Variants in PTPRE observed in about 807,000 individuals in gnomAD.
PTPRE encodes the protein protein tyrosine phosphatase receptor type E.
In PTPRE, 51 loss-of-function variants were observed where a neutral mutation model predicts 102.0. The observed-to-expected ratio is 0.50, with a 90% CI of 0.40 to 0.63. PTPRE has a LOEUF of 0.63. Ranked by LOEUF, PTPRE falls within the 30% of genes least tolerant of loss-of-function variation. PTPRE has a pLI of 0.00. For synonymous variants in PTPRE, 345 were observed against 348.2 expected, an observed-to-expected ratio of 0.99 and a Z score of 0.10; for missense variants, 752 against 915.1, an observed-to-expected ratio of 0.82 and a Z score of 2.30.
At chr10:127,966,176 T>G (rs7093465) in intron 1 of PTPRE, among the ~76,000 whole-genome samples, 73,644 of 151,628 alleles carry the variant, frequency 0.49, 18,444 homozygotes, top group African/African-American at 0.62. Context: ...AAAGAGGTCC[T>G]ATGCTGCATC....
chr10:128,062,999 G>A (rs1174812772), intron 9 of PTPRE, 84 bp from the exon 10 acceptor site: 5 of 1,580,268 alleles, frequency 3.2e-6, no homozygotes, highest in African/African-American at 2.7e-5. Flanking sequence ...CTGTCCAGGG[G>A]CCAACGGCCA....
chr10:128,069,980 G>A (rs995108627), intron 13 of PTPRE, 153 bp downstream of exon 13: 6 of 1,145,384 alleles, frequency 5.2e-6, no homozygotes, highest in African/African-American at 3.1e-5. Context: ...CCCTGCCCAC[G>A]CGTGGGACCT....
At chr10:127,981,588 C>T (rs940045601) in intron 1 of PTPRE, among the ~76,000 whole-genome samples, 23 of 152,040 alleles carry the variant, frequency 1.5e-4, no homozygotes, top group Non-Finnish European at 2.1e-4. Flanking sequence ...GAGCCCGAGG[C>T]GAGCAGATCA....
intron 1 of PTPRE, among the ~76,000 whole-genome samples, chr10:127,912,619 T>C (rs1029342699): frequency 1.3e-5 from 2 of 152,194 alleles, no homozygotes; most frequent in Admixed American, 6.5e-5. Flanking sequence ...GAGTAAAGAA[T>C]TGATAGGAAA....
intron 2 of PTPRE, among the ~76,000 whole-genome samples, chr10:128,031,568 C>A (rs1244620013): frequency 6.6e-6 from 1 of 152,228 alleles, no homozygotes; most frequent in African/African-American, 2.4e-5. Flanking sequence ...TTTCCCACGA[C>A]CCTGCCAGGT....
rs575417858 is a variant in PTPRE, at chr10:128,063,999, G to A, written c.723+819G>A. 3.3e-5 allele frequency among the ~76,000 whole-genome samples: 5 copies of A among 152,342 alleles called. 1 individual carries two copies. In the South Asian group the frequency reaches 1.0e-3, roughly 32 times the overall value. ...TTCTGGCATGAAGGCCCGGTTCAGT[G>A]GGAGCCGTGTGTCCTGCCCGGCCCT... On this transcript the variant is annotated intron_variant, in intron 10 of 20. Transcript: ENST00000254667.
intron 1 of PTPRE, among the ~76,000 whole-genome samples, chr10:127,960,603 C>G (rs1208792012): frequency 6.6e-6 from 1 of 152,180 alleles, no homozygotes; most frequent in Non-Finnish European, 1.5e-5. Flanking sequence ...CTTTCAACAG[C>G]CCCAGGAGTT....
At chr10:128,057,817 G>T (rs1849131134) in intron 7 of PTPRE, among the ~76,000 whole-genome samples, 1 of 152,228 alleles carries the variant, frequency 6.6e-6, no homozygotes, top group African/African-American at 2.4e-5. Context: ...GAGAGGATTT[G>T]TTGCCAATGG....
chr10:127,975,926 C>T (rs1851131825), intron 1 of PTPRE, among the ~76,000 whole-genome samples: 1 of 152,144 alleles, frequency 6.6e-6, no homozygotes, highest in African/African-American at 2.4e-5. Flanking sequence ...TCAGTTCCCC[C>T]TCTGCAAAGT....
rs1487947302 is a variant in PTPRE at position 127,968,013 on chromosome 10, T to TGCTCTATAG, written c.-30-14260_-30-14259insCTCTATAGG. ...TGCCTCCCAGGTTGCTCTATAGGTG[T>TGCTCTATAG]GTGTGTGTGTGTGTGTGTGTGTGTG... On this transcript the variant is annotated intron_variant, in intron 1 of 20. Transcript: ENST00000254667. 5.2e-4 allele frequency among the ~76,000 whole-genome samples: 72 copies of TGCTCTATAG among 139,408 alleles called. No individual in the cohort carries two copies. The East Asian group carries it at 0.013, about 26-fold the overall frequency. 91.5% of individuals were successfully genotyped at this position (139,408 alleles called of 152,430 possible). A position where few individuals can be genotyped will look rare whatever the true frequency, so the allele number is the denominator to read the frequency against.
At chr10:128,004,454 T>TAA (rs1224312719) in intron 2 of PTPRE, among the ~76,000 whole-genome samples, 4 of 152,178 alleles carry the variant, frequency 2.6e-5, no homozygotes, top group African/African-American at 9.7e-5. Flanking sequence ...GCCAATCAGC[T>TAA]GTCCATCTGT....
intron 6 of PTPRE, among the ~76,000 whole-genome samples, chr10:128,053,074 C>T (rs932979482): frequency 5.3e-5 from 8 of 152,066 alleles, no homozygotes; most frequent in Non-Finnish European, 8.8e-5. Context: ...CATGGTGAAA[C>T]CCCATCTCTA....
intron 2 of PTPRE, among the ~76,000 whole-genome samples, chr10:128,031,001 G>T (rs557308420): frequency 2.0e-5 from 3 of 152,226 alleles, no homozygotes; most frequent in Admixed American, 2.0e-4. Flanking sequence ...TGGCTGAATC[G>T]CAAGCTTTGG....
intron 2 of PTPRE, among the ~76,000 whole-genome samples, chr10:127,990,164 C>A (rs950940961): frequency 6.6e-6 from 1 of 152,056 alleles, no homozygotes; most frequent in Non-Finnish European, 1.5e-5. Context: ...GTAATCCCAG[C>A]ACTTTAGGAG....
intron 1 of PTPRE, among the ~76,000 whole-genome samples, chr10:127,910,206 G>A (rs979279081): frequency 1.3e-5 from 2 of 152,076 alleles, no homozygotes; most frequent in African/African-American, 4.8e-5. Flanking sequence ...TTTTCTTTTG[G>A]CTTTCTTCCT....
At chr10:128,022,949 A>G (rs1334236762) in intron 2 of PTPRE, among the ~76,000 whole-genome samples, 1 of 152,250 alleles carries the variant, frequency 6.6e-6, no homozygotes, top group African/African-American at 2.4e-5. Flanking sequence ...GACAATCATG[A>G]AGACAATGAA....
At chr10:128,081,016 G>A (rs770749022) in intron 20 of PTPRE, among the ~76,000 whole-genome samples, 61 of 152,134 alleles carry the variant, frequency 4.0e-4, no homozygotes, top group Admixed American at 2.0e-3. Context: ...CAGTTAGGAC[G>A]GTTGAGGGGC....
chr10:128,050,108 C>A (rs763322094), intron 6 of PTPRE, among the ~76,000 whole-genome samples: 2 of 136,740 alleles, frequency 1.5e-5, no homozygotes, highest in Non-Finnish European at 3.0e-5. Flanking sequence ...ACCACCATCT[C>A]GGCATTAATG....
Position 128,058,780 on chromosome 10 carries a change from G to A in PTPRE, c.512-2159G>A, listed in dbSNP as rs558608090. On this transcript the variant is annotated intron_variant, in intron 7 of 20. Coordinates refer to ENST00000254667, the MANE Select transcript of PTPRE (RefSeq NM_006504.6). Reference sequence around the variant, plus strand: ...AGTATCACTTAGGGTGGGACTGAGAGTCACCTGGGGGAGAGGAGAGAAGGG... The same window carrying A: ...AGTATCACTTAGGGTGGGACTGAGAATCACCTGGGGGAGAGGAGAGAAGGG... 2.6e-5 allele frequency among the ~76,000 whole-genome samples: 4 copies of A among 152,118 alleles called. No homozygotes were observed. The South Asian group carries it at 8.3e-4, about 32-fold the overall frequency.
Sources: gnomAD v4.1 joint callset for allele counts (sites outside exome capture counted in the v4.1 genomes callset) on GRCh38, gnomAD v4.1.1 for gene constraint, MANE v1.5 for transcripts, NCBI Gene and HGNC (gene_info 2026-07-23, HGNC 2026-07-21) for gene names.